CPNE4: variants seen among roughly 807,000 people sequenced by gnomAD.
CPNE4 encodes copine 4.
CPNE4 carries 25 observed loss-of-function variants against 67.9 expected under a neutral mutation model. That is an observed-to-expected ratio of 0.37 (90% confidence interval 0.27 to 0.51). CPNE4 has a LOEUF of 0.51. Among genes scored for constraint, CPNE4 ranks in the 20% least tolerant of loss-of-function variants. The pLI is 0.93. For synonymous variants in CPNE4, 242 were observed against 244.9 expected, an observed-to-expected ratio of 0.99 and a Z score of 0.11; for missense variants, 464 against 690.8, an observed-to-expected ratio of 0.67 and a Z score of 3.68.
chr3:132,038,685 T>A (rs1005798291), upstream of CPNE4, among the ~76,000 whole-genome samples: 9 of 152,198 alleles, frequency 5.9e-5, no homozygotes, highest in Non-Finnish European at 1.2e-4. Flanking sequence ...ATTCTGCTTT[T>A]TAACTACATA....
chr3:132,014,653 G>C (rs2073850882), intron 1 of CPNE4, among the ~76,000 whole-genome samples: 1 of 152,070 alleles, frequency 6.6e-6, no homozygotes. Context: ...AGAAAATGTA[G>C]TCTAATTATA....
upstream of CPNE4, among the ~76,000 whole-genome samples, chr3:132,036,908 A>C (rs974989911): frequency 1.1e-4 from 16 of 152,202 alleles, no homozygotes; most frequent in Non-Finnish European, 7.3e-5. Flanking sequence ...TAGGCACTCT[A>C]CTTACCATCC....
chr3:131,712,448 T>G (rs1237906933), intron 3 of CPNE4, among the ~76,000 whole-genome samples: 1 of 152,210 alleles, frequency 6.6e-6, no homozygotes, highest in African/African-American at 2.4e-5. Flanking sequence ...TGGCTACATT[T>G]GATATTCAGA....
intron 7 of CPNE4, among the ~76,000 whole-genome samples, chr3:131,636,785 C>T (rs1251815012): frequency 6.6e-6 from 1 of 152,228 alleles, no homozygotes; most frequent in Non-Finnish European, 1.5e-5. Context: ...ATAGAGTCCA[C>T]TTCTCTCCCC....
At chr3:131,977,046 C>T (rs945575187) in intron 1 of CPNE4, among the ~76,000 whole-genome samples, 1 of 151,994 alleles carries the variant, frequency 6.6e-6, no homozygotes, top group Non-Finnish European at 1.5e-5. Flanking sequence ...GTGATCTGCC[C>T]GCCTCAGCCT....
At chr3:132,030,165 A>G (rs1303348808) in intron 1 of CPNE4, among the ~76,000 whole-genome samples, 1 of 152,212 alleles carries the variant, frequency 6.6e-6, no homozygotes, top group Non-Finnish European at 1.5e-5. Flanking sequence ...AGCAGTGCAC[A>G]TGGTGCCAGA....
At chr3:131,778,450 C>T (rs1048596570) in intron 2 of CPNE4, among the ~76,000 whole-genome samples, 6 of 152,102 alleles carry the variant, frequency 3.9e-5, no homozygotes, top group Non-Finnish European at 7.4e-5. Context: ...CCTCCTTTAA[C>T]CTCAGCTTCC....
At chr3:131,886,203 G>T (rs1163332206) in intron 2 of CPNE4, among the ~76,000 whole-genome samples, 2 of 152,224 alleles carry the variant, frequency 1.3e-5, no homozygotes, top group African/African-American at 2.4e-5. Context: ...TGTCCCAGCT[G>T]CTCCAGCCGT....
At chr3:131,570,258 A>T (rs1937265628) in intron 10 of CPNE4, among the ~76,000 whole-genome samples, 1 of 151,732 alleles carries the variant, frequency 6.6e-6, no homozygotes, top group Admixed American at 6.6e-5. Flanking sequence ...GAGCATATGA[A>T]AAAGCAATAA....
intron 2 of CPNE4, among the ~76,000 whole-genome samples, chr3:131,760,471 C>CAGTT (rs2107812353): frequency 6.6e-6 from 1 of 152,210 alleles, no homozygotes; most frequent in East Asian, 1.9e-4. Context: ...AAACTATTTC[C>CAGTT]AGTTTCCTGG....
Position 131,534,523 on chromosome 3 carries a change from A to G in CPNE4, c.*672T>C, listed in dbSNP as rs1249105255. On this transcript the variant is annotated 3_prime_UTR_variant, in exon 16 of 16. Transcript: ENST00000429747. ...TCTTGGGTCCCACACAGACCTATGT[A>G]TCACAATCTGAATTTTAATAAGACT... is the stretch of plus-strand genomic sequence containing the variant. 1 of 152,236 alleles carries G rather than the reference A, an allele frequency of 6.6e-6. No homozygotes were observed. The highest frequency in any genetic ancestry group is 1.5e-5 in the Non-Finnish European group (1 of 68,058). 9.4% of individuals were successfully genotyped at this position (152,236 alleles called of 1,614,324 possible). A position where few individuals can be genotyped will look rare whatever the true frequency, so the allele number is the denominator to read the frequency against.
intron 1 of CPNE4, among the ~76,000 whole-genome samples, chr3:131,906,760 A>G (rs2088784308): frequency 6.6e-6 from 1 of 151,840 alleles, no homozygotes; most frequent in Non-Finnish European, 1.5e-5. Context: ...TCCTTTGGGT[A>G]TATACCCAGT....
intron 1 of CPNE4, among the ~76,000 whole-genome samples, chr3:131,912,813 C>A (rs189703765): frequency 6.6e-6 from 1 of 152,234 alleles, no homozygotes; most frequent in East Asian, 1.9e-4. Flanking sequence ...ACCTGGGAAG[C>A]AGGTTAAAAT....
chr3:131,717,269 G>A (rs191245369), intron 3 of CPNE4, among the ~76,000 whole-genome samples: 6 of 149,682 alleles, frequency 4.0e-5, no homozygotes, highest in Admixed American at 2.7e-4. Flanking sequence ...AGACAACATC[G>A]AGTTCACACT....
chr3:131,551,215 A>G (rs1343816512), intron 13 of CPNE4, among the ~76,000 whole-genome samples: 1 of 152,080 alleles, frequency 6.6e-6, no homozygotes, highest in Non-Finnish European at 1.5e-5. Flanking sequence ...CCTTACATAC[A>G]TGCTCCCAAC....
chr3:131,605,489 G>A (rs1226812163), intron 7 of CPNE4, among the ~76,000 whole-genome samples: 1 of 151,996 alleles, frequency 6.6e-6, no homozygotes, highest in Non-Finnish European at 1.5e-5. Flanking sequence ...CATTTACTAA[G>A]CCCTAGAGCA....
intron 2 of CPNE4, among the ~76,000 whole-genome samples, chr3:131,744,766 A>AT (rs1416801511): frequency 6.6e-6 from 1 of 152,174 alleles, no homozygotes; most frequent in East Asian, 1.9e-4. Flanking sequence ...TGTATCAGTA[A>AT]TTTGTTCCTC....
At chr3:131,706,418 G>T (rs2081414665) in intron 3 of CPNE4, among the ~76,000 whole-genome samples, 1 of 152,220 alleles carries the variant, frequency 6.6e-6, no homozygotes, top group African/African-American at 2.4e-5. Context: ...TCTCATGACA[G>T]CTCTGCAAGG....
intron 1 of CPNE4, among the ~76,000 whole-genome samples, chr3:131,960,794 C>T (rs1427770343): frequency 1.3e-5 from 2 of 152,034 alleles, no homozygotes; most frequent in African/African-American, 2.4e-5. Context: ...AATGAAAAAC[C>T]CCAATTTTTC....
Sources: allele counts gnomAD v4.1 joint callset (sites outside exome capture counted in the v4.1 genomes callset), GRCh38; gene constraint gnomAD v4.1.1; transcripts MANE v1.5; gene names NCBI Gene and HGNC (gene_info 2026-07-23, HGNC 2026-07-21).